The following METTL15 variants were observed in gnomAD, a reference collection of about 807,000 sequenced individuals.
The protein encoded by METTL15 is methyltransferase 15, mitochondrial 12S rRNA N4-cytidine, also known as 12S rRNA N(4)-cytidine methyltransferase METTL15.
Under a neutral mutation model 38.3 loss-of-function variants are expected in METTL15, and 34 were observed. The observed-to-expected ratio is 0.89, with a 90% CI of 0.68 to 1.18. METTL15 has a LOEUF of 1.18. Ranked by LOEUF, METTL15 falls within the 50% of genes most tolerant of loss-of-function variation. The probability of loss-of-function intolerance (pLI) is 0.00; values close to 1 mark genes in which losing one functional copy is unlikely to be tolerated. For missense variants in METTL15, 438 were observed against 498.4 expected (o/e 0.88, Z 1.15); for synonymous variants, 162 against 170.9 (o/e 0.95, Z 0.41).
chr11:28,462,256 G>A (rs1460007014), intron 6 of METTL15, among the ~76,000 whole-genome samples: 1 of 151,978 alleles, frequency 6.6e-6, no homozygotes, highest in Non-Finnish European at 1.5e-5. Flanking sequence ...ATGGGAATAA[G>A]GAAGAGTATG....
chr11:28,122,081 TA>T (rs1852263799), intron 3 of METTL15: 2 of 1,023,668 alleles, frequency 2.0e-6, no homozygotes, highest in South Asian at 2.4e-5. Context: ...ATTAAAACTG[TA>T]ATGTGTATTA....
intron 6 of METTL15, among the ~76,000 whole-genome samples, chr11:28,523,077 CA>C (rs543780995): frequency 5.9e-5 from 9 of 152,102 alleles, no homozygotes; most frequent in African/African-American, 2.2e-4. Flanking sequence ...GATTATAAAC[CA>C]ATAGTTGTTT....
At chr11:28,113,748 C>G (rs1851824106) in intron 3 of METTL15, 144 bp downstream of exon 3, 1 of 817,142 alleles carries the variant, frequency 1.2e-6, no homozygotes, top group South Asian at 2.1e-5. Flanking sequence ...GAAAGTGATA[C>G]ACATTCAGTA....
intron 4 of METTL15, among the ~76,000 whole-genome samples, chr11:28,286,866 A>G (rs1223376661): frequency 6.6e-6 from 1 of 151,858 alleles, no homozygotes; most frequent in Non-Finnish European, 1.5e-5. Flanking sequence ...AAACAGAACC[A>G]GTAGTATGTA....
chr11:28,391,137 A>G (rs988008105), intron 5 of METTL15, among the ~76,000 whole-genome samples: 8 of 151,940 alleles, frequency 5.3e-5, no homozygotes, highest in African/African-American at 9.7e-5. Context: ...GGGCTGAGAC[A>G]ATGGGGTTTT....
chr11:28,231,795 C>T (rs1853695823), intron 4 of METTL15, among the ~76,000 whole-genome samples: 2 of 151,840 alleles, frequency 1.3e-5, no homozygotes, highest in South Asian at 4.1e-4. Flanking sequence ...TTAAATTTTT[C>T]TCTTCTGTTC....
In METTL15 at chr11:28,420,767, C is replaced by T. The variant is rs187908871; in HGVS notation, c.*359-3532C>T. Among the ~76,000 whole-genome samples the T allele has an allele frequency of 2.1e-3, 319 of 151,736 alleles. 1 individual carries two copies. The highest frequency in any genetic ancestry group is 1.9e-3 in the Non-Finnish European group (127 of 67,830). ...CTATAAGTGCCTACATCAAAAAAGA[C>T]GAAAAACTTCCAATAAACAACCCAG... On this transcript the variant is annotated intron_variant and NMD_transcript_variant, in intron 5 of 7. Coordinates refer to the METTL15 transcript ENST00000532947.
intron 2 of METTL15, among the ~76,000 whole-genome samples, chr11:28,111,966 C>A (rs1255648049): frequency 6.6e-6 from 1 of 152,104 alleles, no homozygotes; most frequent in Non-Finnish European, 1.5e-5. Context: ...ATTCCCCCCC[C>A]CACCGACATT....
chr11:28,109,837 G>A (rs1206077732), intron 1 of METTL15, among the ~76,000 whole-genome samples: 1 of 152,292 alleles, frequency 6.6e-6, no homozygotes, highest in East Asian at 1.9e-4. Context: ...TTCAGATGAT[G>A]AGGTCCATAT....
intron 4 of METTL15, among the ~76,000 whole-genome samples, chr11:28,248,811 A>C (rs1405289719): frequency 6.6e-6 from 1 of 151,892 alleles, no homozygotes; most frequent in East Asian, 1.9e-4. Context: ...CCATTTTATT[A>C]TTAGAAAAAA....
At chr11:28,124,221 T>C (rs1242972166) in intron 3 of METTL15, among the ~76,000 whole-genome samples, 1 of 152,102 alleles carries the variant, frequency 6.6e-6, no homozygotes, top group Non-Finnish European at 1.5e-5. Flanking sequence ...GTTCTTATGT[T>C]CTAGAGGACA....
intron 6 of METTL15, among the ~76,000 whole-genome samples, chr11:28,466,323 A>G (rs1317953634): frequency 6.6e-6 from 1 of 152,254 alleles, no homozygotes; most frequent in Non-Finnish European, 1.5e-5. Context: ...GGTTTCCACC[A>G]AAACTTTTCA....
rs190914807 is a variant in METTL15, at chr11:28,315,995, G to A, written c.779-14401G>A. 4.9e-3 allele frequency among the ~76,000 whole-genome samples: 741 copies of A among 152,332 alleles called. 3 individuals carry two copies. Among genetic ancestry groups the A allele is most frequent in the Non-Finnish European group, 8.5e-3 (576 of 68,032 alleles). ...CAGGGCTTGGGCCCTCATGGAGAAC[G>A]TCTGCTAGAGCAGTGTGGCAGAGAA... On this transcript the variant is annotated intron_variant, in intron 6 of 6. Transcript: ENST00000407364.
intron 3 of METTL15, among the ~76,000 whole-genome samples, chr11:28,169,615 T>C (rs1378000277): frequency 6.6e-6 from 1 of 152,144 alleles, no homozygotes; most frequent in Non-Finnish European, 1.5e-5. Context: ...TTTTTTAACA[T>C]TAAAACTTGT....
intron 5 of METTL15, among the ~76,000 whole-genome samples, chr11:28,370,382 G>C (rs1850230851): frequency 1.3e-5 from 2 of 151,954 alleles, no homozygotes; most frequent in South Asian, 4.2e-4. Flanking sequence ...TGCTGCAAAT[G>C]ACAGGATTTT....
intron 6 of METTL15, among the ~76,000 whole-genome samples, chr11:28,452,827 AT>A (rs1444088057): frequency 6.6e-6 from 1 of 152,204 alleles, no homozygotes; most frequent in Admixed American, 6.5e-5. Context: ...AACAATTGAT[AT>A]CCACAAAGTT....
intron 4 of METTL15, among the ~76,000 whole-genome samples, chr11:28,238,609 C>T (rs1028404772): frequency 6.6e-6 from 1 of 152,216 alleles, no homozygotes; most frequent in Admixed American, 6.5e-5. Context: ...GTGCGCTGCA[C>T]CCACTGTCCT....
At chr11:28,413,930 G>A (rs1850750567) in intron 5 of METTL15, among the ~76,000 whole-genome samples, 2 of 152,066 alleles carry the variant, frequency 1.3e-5, no homozygotes, top group Admixed American at 1.3e-4. Flanking sequence ...GTAGTGCAGA[G>A]TTTCTTAACA....
intron 3 of METTL15, among the ~76,000 whole-genome samples, chr11:28,171,320 C>T (rs1850849696): frequency 6.6e-6 from 1 of 152,124 alleles, no homozygotes. Flanking sequence ...TGTAGTGCAG[C>T]ACTAGGTAAG....
Sources: gnomAD v4.1 joint callset for allele counts (sites outside exome capture counted in the v4.1 genomes callset) on GRCh38, gnomAD v4.1.1 for gene constraint, MANE v1.5 for transcripts, NCBI Gene and HGNC (gene_info 2026-07-23, HGNC 2026-07-21) for gene names.